HS3ST4: variants seen among roughly 807,000 people sequenced by gnomAD.
HS3ST4 encodes heparan sulfate-glucosamine 3-sulfotransferase 4, also known as heparan sulfate glucosamine 3-O-sulfotransferase 4.
A neutral mutation model predicts 29.2 loss-of-function variants in HS3ST4; 17 were observed. The ratio of observed to expected loss-of-function variants is 0.58; its 90% CI spans 0.40 to 0.87. The LOEUF is 0.87. Among genes scored for constraint, HS3ST4 ranks in the 40% least tolerant of loss-of-function variants. The probability of loss-of-function intolerance (pLI) is 0.00; values close to 1 mark genes in which losing one functional copy is unlikely to be tolerated. For synonymous variants in HS3ST4, 314 were observed against 285.7 expected, an observed-to-expected ratio of 1.10 and a Z score of -1.00; for missense variants, 627 against 634.5, an observed-to-expected ratio of 0.99 and a Z score of 0.13.
intron 1 of HS3ST4, among the ~76,000 whole-genome samples, chr16:25,740,890 T>A (rs1020041106): frequency 1.3e-5 from 2 of 152,184 alleles, no homozygotes; most frequent in Non-Finnish European, 2.9e-5. Context: ...TAATCTTATT[T>A]GCTAAGATCC....
chr16:25,744,745 T>A (rs1252905798), intron 1 of HS3ST4, among the ~76,000 whole-genome samples: 1 of 152,120 alleles, frequency 6.6e-6, no homozygotes, highest in Non-Finnish European at 1.5e-5. Flanking sequence ...TCCCATACTG[T>A]TCTTGTGATA....
At chr16:25,902,037 C>T (rs1968124483) in intron 1 of HS3ST4, among the ~76,000 whole-genome samples, 1 of 152,210 alleles carries the variant, frequency 6.6e-6, no homozygotes, top group African/African-American at 2.4e-5. Flanking sequence ...ATCACATCTC[C>T]ACCACGATAT....
At chr16:25,771,329 T>C (rs1170926353) in intron 1 of HS3ST4, among the ~76,000 whole-genome samples, 1 of 152,162 alleles carries the variant, frequency 6.6e-6, no homozygotes, top group Non-Finnish European at 1.5e-5. Flanking sequence ...AGCCTGTTCT[T>C]AGAAACTACC....
intron 1 of HS3ST4, among the ~76,000 whole-genome samples, chr16:25,820,521 G>A (rs1223426394): frequency 6.6e-6 from 1 of 152,170 alleles, no homozygotes; most frequent in Non-Finnish European, 1.5e-5. Context: ...AGCCTCCTGA[G>A]TAGCTAGGAC....
chr16:26,124,970 A>G (rs1343093629), intron 1 of HS3ST4, among the ~76,000 whole-genome samples: 2 of 152,206 alleles, frequency 1.3e-5, no homozygotes, highest in African/African-American at 4.8e-5. Flanking sequence ...AACTTGCCCC[A>G]TGGCATAGGC....
intron 1 of HS3ST4, among the ~76,000 whole-genome samples, chr16:25,909,338 A>T (rs899771729): frequency 2.0e-5 from 3 of 152,014 alleles, no homozygotes; most frequent in Admixed American, 6.6e-5. Context: ...ACAGGCATGC[A>T]CTACCGCACC....
chr16:26,060,187 GA>G (rs1459823649), intron 1 of HS3ST4, among the ~76,000 whole-genome samples: 2 of 152,192 alleles, frequency 1.3e-5, no homozygotes, highest in Non-Finnish European at 2.9e-5. Flanking sequence ...CTGCCCCGAA[GA>G]AAGACTGGAT....
intron 1 of HS3ST4, among the ~76,000 whole-genome samples, chr16:26,049,490 G>GTGTGTGTGTA (rs1346556969): frequency 2.6e-5 from 4 of 151,764 alleles, no homozygotes; most frequent in Non-Finnish European, 5.9e-5. Context: ...GTGTGTGTGT[G>GTGTGTGTGTA]TGTGTATGTG....
chr16:25,875,758 A>G (rs1967824610), intron 1 of HS3ST4, among the ~76,000 whole-genome samples: 1 of 152,084 alleles, frequency 6.6e-6, no homozygotes, highest in Non-Finnish European at 1.5e-5. Flanking sequence ...TGAGGCTGGG[A>G]GACTTGGCCA....
intron 1 of HS3ST4, among the ~76,000 whole-genome samples, chr16:26,085,648 A>C (rs1898777515): frequency 6.6e-6 from 1 of 152,228 alleles, no homozygotes; most frequent in East Asian, 1.9e-4. Context: ...AGGAGGGAGG[A>C]TTTCTTGAGA....
chr16:25,801,649 T>G (rs1239856349), intron 1 of HS3ST4, among the ~76,000 whole-genome samples: 1 of 152,188 alleles, frequency 6.6e-6, no homozygotes, highest in African/African-American at 2.4e-5. Context: ...GTTTAATTCT[T>G]TTGGTATCTG....
chr16:26,096,743 C>T (rs1246016460), intron 1 of HS3ST4, among the ~76,000 whole-genome samples: 3 of 152,142 alleles, frequency 2.0e-5, no homozygotes, highest in Admixed American at 2.0e-4. Flanking sequence ...AAGTTCTGGC[C>T]AGGGCAATCA....
intron 1 of HS3ST4, among the ~76,000 whole-genome samples, chr16:25,998,280 C>T (rs114762901): frequency 6.2e-4 from 94 of 151,856 alleles, no homozygotes; most frequent in African/African-American, 2.2e-3. Context: ...GACCCTGTCT[C>T]GAAAAAAATA....
chr16:25,772,767 T>C (rs12597718), intron 1 of HS3ST4, among the ~76,000 whole-genome samples: 74,661 of 151,928 alleles, frequency 0.49, 19,469 homozygotes, highest in Middle Eastern at 0.6. Flanking sequence ...ACCATTCTCT[T>C]AGAGAGAGAG....
At chr16:25,968,072 T>C (rs955454550) in intron 1 of HS3ST4, among the ~76,000 whole-genome samples, 1 of 152,098 alleles carries the variant, frequency 6.6e-6, no homozygotes, top group Non-Finnish European at 1.5e-5. Context: ...TGGGAGGCTC[T>C]TTCAGGGGAG....
At chr16:25,864,635 G>T (rs1000206446) in intron 1 of HS3ST4, among the ~76,000 whole-genome samples, 4 of 151,902 alleles carry the variant, frequency 2.6e-5, no homozygotes, top group African/African-American at 4.8e-5. Context: ...TATAAGGGAG[G>T]CCATGAAGTA....
intron 1 of HS3ST4, among the ~76,000 whole-genome samples, chr16:25,872,503 C>T (rs4787337): frequency 0.35 from 53,732 of 152,056 alleles, 9,807 homozygotes; most frequent in East Asian, 0.53. Flanking sequence ...TAGGATGGTC[C>T]CATTCATGTT....
chr16:26,109,467 G>A (rs369837603), intron 1 of HS3ST4, among the ~76,000 whole-genome samples: 6 of 152,052 alleles, frequency 3.9e-5, no homozygotes, highest in African/African-American at 7.3e-5. Context: ...AGAGAAGAGC[G>A]GGAGCAACCA....
chr16:25,757,770 A>G (rs922186414), intron 1 of HS3ST4, among the ~76,000 whole-genome samples: 1 of 151,864 alleles, frequency 6.6e-6, no homozygotes, highest in Non-Finnish European at 1.5e-5. Flanking sequence ...TCTAGATGCA[A>G]GTATCTCGTC....
Sources: allele counts gnomAD v4.1 joint callset (sites outside exome capture counted in the v4.1 genomes callset), GRCh38; gene constraint gnomAD v4.1.1; transcripts MANE v1.5; gene names NCBI Gene and HGNC (gene_info 2026-07-23, HGNC 2026-07-21).